Variants in GATB observed in about 807,000 individuals in gnomAD.
GATB encodes the protein glutamyl-tRNA(Gln) amidotransferase subunit B, mitochondrial.
A neutral mutation model predicts 62.3 loss-of-function variants in GATB; 39 were observed. The observed-to-expected ratio is 0.63, with a 90% CI of 0.48 to 0.82. The LOEUF is 0.82. GATB is among the 40% of genes least tolerant of loss of function. The pLI, the probability that GATB is intolerant of heterozygous loss-of-function variation, is 0.00. For missense variants in GATB, 670 were observed against 684.0 expected (o/e 0.98, Z 0.23); for synonymous variants, 276 against 258.9 (o/e 1.07, Z -0.63).
At chr4:151,748,116 C>T (rs886621614) in intron 2 of GATB, among the ~76,000 whole-genome samples, 1 of 152,168 alleles carries the variant, frequency 6.6e-6, no homozygotes, top group Non-Finnish European at 1.5e-5. Context: ...TCAATGCCAT[C>T]CCCATCAAGC....
intron 4 of GATB, 24 bp downstream of exon 4, chr4:151,716,852 A>T (rs200681534): frequency 6.2e-7 from 1 of 1,610,062 alleles, no homozygotes; most frequent in African/African-American, 1.3e-5. Flanking sequence ...GGAAGGAGAA[A>T]TAATGAAAAC....
intron 9 of GATB, among the ~76,000 whole-genome samples, chr4:151,697,338 G>A (rs1738489282): frequency 6.6e-6 from 1 of 152,108 alleles, no homozygotes; most frequent in Non-Finnish European, 1.5e-5. Context: ...CAACATGGAT[G>A]AACAGGAGGC....
chr4:151,708,164 C>T, intron 5 of GATB, 63 bp from the exon 6 acceptor site: 1 of 1,094,062 alleles, frequency 9.1e-7, no homozygotes, highest in Non-Finnish European at 1.4e-6. Flanking sequence ...CTTTTAAAGG[C>T]AGGGAGTGTC....
chr4:151,673,265 C>G (rs796290388), intron 11 of GATB: 27 of 153,736 alleles, frequency 1.8e-4, no homozygotes, highest in East Asian at 1.1e-3. Context: ...CGGGGGGGGG[C>G]CGCGGGAGGC....
rs1239496937 is a variant in GATB at position 151,672,805 on chromosome 4, A to G, written c.1502T>C (p.Leu501Pro). 1.9e-6 allele frequency: 3 copies of G among 1,614,108 alleles called. No individual in the cohort carries two copies. The African/African-American group carries it at 4.0e-5, about 22-fold the overall frequency. ...CATCACAGAGTGGCAGAGCTGCTCCAGTGCCCCCTGGTCCTGCATCAGTTC... is the reference window on the plus strand; with the variant it reads ...CATCACAGAGTGGCAGAGCTGCTCCGGTGCCCCCTGGTCCTGCATCAGTTC... Reference protein sequence around the residue: ...QLELMQDQGALEQLCHSVMEA... With the variant: ...QLELMQDQGAPEQLCHSVMEA... The change falls in exon 12 of 13, where the codon CTG (leucine) becomes CCG (proline). Residue 501 changes from leucine to proline, a missense_variant. By Grantham distance (98) the Leu-to-Pro change is moderately conservative (BLOSUM62 -3). Coordinates refer to ENST00000263985, the MANE Select transcript of GATB (RefSeq NM_004564.3).
chr4:151,671,357 C>T (rs942548356), intron 12 of GATB, 55 bp from the exon 13 acceptor site: 1 of 1,545,742 alleles, frequency 6.5e-7, no homozygotes, highest in African/African-American at 1.4e-5. Flanking sequence ...ATTCATGCCC[C>T]CAAATCCCAA....
At chr4:151,701,198 A>G (rs1738594068) in intron 9 of GATB, 131 bp downstream of exon 9, 3 of 536,854 alleles carry the variant, frequency 5.6e-6, no homozygotes, top group Non-Finnish European at 9.3e-6. Flanking sequence ...TCTCAGTAGC[A>G]TCTATAGTAC....
chr4:151,747,668 C>A (rs561192787), intron 2 of GATB, among the ~76,000 whole-genome samples: 1 of 152,300 alleles, frequency 6.6e-6, no homozygotes, highest in African/African-American at 2.4e-5. Flanking sequence ...CAGAGTGACA[C>A]AACAGATTAC....
intron 2 of GATB, among the ~76,000 whole-genome samples, chr4:151,757,116 A>C (rs1739846958): frequency 6.6e-6 from 1 of 152,218 alleles, no homozygotes; most frequent in Admixed American, 6.5e-5. Context: ...AAGATGTCAT[A>C]TATTTATAAC....
chr4:151,691,951 G>T (rs1738373801), intron 9 of GATB, among the ~76,000 whole-genome samples: 1 of 152,170 alleles, frequency 6.6e-6, no homozygotes, highest in Admixed American at 6.5e-5. Flanking sequence ...GCCATTCTGG[G>T]CTAGTCAAAG....
At chr4:151,731,229 C>T (rs1183140507) in intron 2 of GATB, among the ~76,000 whole-genome samples, 2 of 152,162 alleles carry the variant, frequency 1.3e-5, no homozygotes, top group African/African-American at 4.8e-5. Context: ...ATTCTCCTGC[C>T]TCAGCCTGCC....
intron 2 of GATB, among the ~76,000 whole-genome samples, chr4:151,724,828 T>C (rs932223286): frequency 1.3e-5 from 2 of 152,120 alleles, no homozygotes; most frequent in Non-Finnish European, 2.9e-5. Flanking sequence ...AATCAGGTCA[T>C]TTTGTCTTAT....
chr4:151,731,904 G>A (rs1182491501), intron 2 of GATB, among the ~76,000 whole-genome samples: 1 of 151,150 alleles, frequency 6.6e-6, no homozygotes, highest in Admixed American at 6.6e-5. Context: ...CGCCCCATCC[G>A]GGAGGGAGGT....
At chr4:151,716,844 A>T in intron 4 of GATB, 32 bp downstream of exon 4, 1 of 1,599,564 alleles carries the variant, frequency 6.3e-7, no homozygotes, top group African/African-American at 1.3e-5. Flanking sequence ...CTGAAGTAGG[A>T]AGGAGAAATA....
rs1560847793 is a variant in GATB at position 151,697,983 on chromosome 4, A to ATATATG, written c.1197+3345_1197+3346insCATATA. Among the ~76,000 whole-genome samples the ATATATG allele has an allele frequency of 1.2e-4, 16 of 133,538 alleles. 1 individual carries two copies. The highest frequency in any genetic ancestry group is 4.9e-4 in the African/African-American group (16 of 32,918). The allele number at this position is 133,538 out of a possible 152,430, so 87.6% of individuals were successfully genotyped here. ...TATATATATATATATATATATATAT[A>ATATATG]TATATATATATGAAATGAAGGCAAC... On this transcript the variant is annotated intron_variant, in intron 9 of 12. Transcript: ENST00000263985.
At chr4:151,675,316 T>G (rs990920444) in intron 11 of GATB, 13 of 152,170 alleles carry the variant, frequency 8.5e-5, no homozygotes, top group African/African-American at 2.4e-4. Flanking sequence ...CTCCCAGAGT[T>G]AGAATACATA....
intron 5 of GATB, among the ~76,000 whole-genome samples, chr4:151,712,472 G>T (rs1020646882): frequency 1.3e-5 from 2 of 152,224 alleles, no homozygotes; most frequent in South Asian, 2.1e-4. Context: ...ATACCACTGA[G>T]CACAGTGATA....
intron 2 of GATB, among the ~76,000 whole-genome samples, chr4:151,735,515 C>G (rs1423489434): frequency 6.6e-6 from 1 of 151,754 alleles, no homozygotes; most frequent in Non-Finnish European, 1.5e-5. Flanking sequence ...AGTACAACTG[C>G]TATGGAAAAC....
intron 3 of GATB, among the ~76,000 whole-genome samples, chr4:151,718,500 G>A (rs1298842210): frequency 6.6e-6 from 1 of 152,130 alleles, no homozygotes; most frequent in Admixed American, 6.5e-5. Context: ...ACTCTTAAAA[G>A]ATAAAGAAAG....
Sources: allele counts gnomAD v4.1 joint callset (sites outside exome capture counted in the v4.1 genomes callset), GRCh38; gene constraint gnomAD v4.1.1; transcripts MANE v1.5; gene names NCBI Gene and HGNC (gene_info 2026-07-23, HGNC 2026-07-21).